The following LAMA3 variants were observed in gnomAD, a reference collection of about 807,000 sequenced individuals.
LAMA3 encodes the protein laminin subunit alpha 3.
LAMA3 carries 281 observed loss-of-function variants against 402.0 expected under a neutral mutation model. The observed-to-expected ratio is 0.70, with a 90% CI of 0.63 to 0.77. LAMA3 has a LOEUF of 0.77. LAMA3 is among the 30% of genes least tolerant of loss of function. The pLI is 0.00. For synonymous variants in LAMA3, 1,431 were observed against 1,558.4 expected (o/e 0.92, Z 1.93); for missense variants, 3,840 against 4,215.5 (o/e 0.91, Z 2.47).
intron 6 of LAMA3, among the ~76,000 whole-genome samples, chr18:23,756,330 G>A (rs1568149823): frequency 6.6e-6 from 1 of 151,644 alleles, no homozygotes; most frequent in Non-Finnish European, 1.5e-5. Flanking sequence ...AATAGTCTCG[G>A]GTCTTTATTT....
chr18:23,928,075 T>A (rs756879542), intron 62 of LAMA3, 48 bp from the exon 63 acceptor site: 1 of 1,316,146 alleles, frequency 7.6e-7, no homozygotes, highest in South Asian at 1.2e-5. Context: ...TGATTTCACG[T>A]GAGCCTGACA....
chr18:23,884,848 T>G lies in LAMA3; in HGVS notation c.5298T>G (p.Cys1766Trp), dbSNP rs2065018359. 1 of 1,609,260 alleles carries G rather than the reference T, an allele frequency of 6.2e-7. No homozygotes were observed. Among genetic ancestry groups the G allele is most frequent in the African/African-American group, 1.3e-5 (1 of 74,588 alleles). ...SCKAGYTGTQ[C>W]ERCAPGYFGN... ...AAGCTGGGTACACAGGAACACAGTG[T>G]GAAAGGTAAGGTGGGCGCCCCTCCC... Residue 1766 changes from cysteine to tryptophan, a missense_variant, in exon 41 of 75, where the codon TGT (cysteine) becomes TGG (tryptophan). Around this residue, in one of 3 missense-constraint regions of LAMA3, gnomAD observed 2,109 missense variants for 2,376.0 expected, o/e 0.89. Transcript: ENST00000313654.
chr18:23,817,136 A>G (rs538870245), intron 18 of LAMA3, among the ~76,000 whole-genome samples: 10 of 152,224 alleles, frequency 6.6e-5, no homozygotes, highest in Non-Finnish European at 1.2e-4. Flanking sequence ...TGTCTCATGC[A>G]GAAGCAGGTG....
intron 1 of LAMA3, among the ~76,000 whole-genome samples, chr18:23,693,672 A>C (rs750928218): frequency 2.6e-5 from 4 of 152,244 alleles, no homozygotes; most frequent in Non-Finnish European, 4.4e-5. Flanking sequence ...TTTAATAACT[A>C]GATATTATTT....
chr18:23,803,366 G>A (rs1194825820), intron 12 of LAMA3, among the ~76,000 whole-genome samples: 3 of 152,144 alleles, frequency 2.0e-5, no homozygotes, highest in Admixed American at 6.5e-5. Context: ...TGAGCCCAGG[G>A]ATAAACTCCA....
rs1230728662 is a variant in LAMA3, at chr18:23,899,397, C to T, written c.5946C>T (p.Asn1982=). The T allele has an allele frequency of 6.2e-7, 1 of 1,614,154 alleles. No homozygotes were observed. The highest frequency in any genetic ancestry group is 8.5e-7 in the Non-Finnish European group (1 of 1,180,012). ...AGCGCATGATGAGGGAACTGCGGAA[C>T]AGGAACTTTGGAAAGCACCTCAGAG... ...EAQRMMRELR[N]RNFGKHLREA... is the part of the protein sequence containing the mutation. The change falls in exon 47 of 75, where the codon AAC becomes AAT. Residue 1982 remains asparagine, a synonymous_variant. Coordinates refer to ENST00000313654, the MANE Select transcript of LAMA3 (RefSeq NM_198129.4).
chr18:23,722,198 A>G (rs1317559322), intron 2 of LAMA3, among the ~76,000 whole-genome samples: 3 of 152,162 alleles, frequency 2.0e-5, no homozygotes, highest in Admixed American at 6.5e-5. Flanking sequence ...TGCTATTCAC[A>G]GTTCTTGGAA....
intron 2 of LAMA3, among the ~76,000 whole-genome samples, chr18:23,746,941 A>AT (rs907736460): frequency 3.3e-4 from 49 of 148,152 alleles, no homozygotes; most frequent in East Asian, 7.9e-4. Flanking sequence ...GATGAAACTC[A>AT]TTTTTTTTTT....
At chr18:23,871,344 T>C in intron 37 of LAMA3, 87 bp from the exon 38 acceptor site, 1 of 1,020,688 alleles carries the variant, frequency 9.8e-7, no homozygotes, top group Non-Finnish European at 1.5e-6. Flanking sequence ...TGTCTTGTTT[T>C]TGATTCATTC....
chr18:23,712,130 C>G (rs1397342595), intron 1 of LAMA3, among the ~76,000 whole-genome samples: 2 of 152,214 alleles, frequency 1.3e-5, no homozygotes, highest in African/African-American at 4.8e-5. Context: ...CCTGTAATCC[C>G]AGCACTTTGG....
intron 59 of LAMA3, 109 bp from the exon 60 acceptor site, chr18:23,916,442 G>A: frequency 1.6e-6 from 2 of 1,239,544 alleles, no homozygotes; most frequent in South Asian, 1.2e-5. Context: ...CAACTAGATT[G>A]CATTTTCTTG....
chr18:23,855,088 A>C (rs996236098), intron 32 of LAMA3, among the ~76,000 whole-genome samples: 2 of 152,254 alleles, frequency 1.3e-5, no homozygotes, highest in Admixed American at 1.3e-4. Flanking sequence ...GTCCCTGCCC[A>C]GATCACTTGC....
At chr18:23,766,374 G>C (rs1175123677) in intron 8 of LAMA3, among the ~76,000 whole-genome samples, 1 of 151,968 alleles carries the variant, frequency 6.6e-6, no homozygotes, top group Non-Finnish European at 1.5e-5. Context: ...AAAATTGTTT[G>C]GTAGATAAAA....
intron 37 of LAMA3, among the ~76,000 whole-genome samples, chr18:23,869,272 G>T (rs565776878): frequency 2.6e-5 from 4 of 152,206 alleles, no homozygotes; most frequent in Non-Finnish European, 5.9e-5. Flanking sequence ...GAAGAGGAGG[G>T]AATGATACTA....
At chr18:23,932,375 A>T in intron 66 of LAMA3, 84 bp downstream of exon 66, 4 of 1,454,774 alleles carry the variant, frequency 2.7e-6, no homozygotes, top group Non-Finnish European at 3.8e-6. Flanking sequence ...TAACAAAGTC[A>T]GCTTTGTCAA....
Position 23,932,244 on chromosome 18 carries a change from G to T in LAMA3, c.8661G>T (p.Leu2887=), listed in dbSNP as rs1278388781. The part of the protein sequence containing the change: ...HISSSRQSLR[L]GGSNFEGCIS... Reference sequence around the variant, plus strand: ...CAAGTTCCCGGCAGTCTCTGCGTCTGGGCGGGAGCAATTTTGAGGGTTGTA... The same window carrying T: ...CAAGTTCCCGGCAGTCTCTGCGTCTTGGCGGGAGCAATTTTGAGGGTTGTA... The change falls in exon 66 of 75, where the codon CTG becomes CTT. Residue 2887 remains leucine (L), a synonymous_variant. Transcript: ENST00000313654. The T allele has an allele frequency of 6.2e-7, 1 of 1,613,978 alleles. No individual in the cohort carries two copies. The highest frequency in any genetic ancestry group is 1.3e-5 in the African/African-American group (1 of 74,942).
intron 66 of LAMA3, among the ~76,000 whole-genome samples, chr18:23,932,812 G>A (rs1008093972): frequency 2.0e-5 from 3 of 152,186 alleles, no homozygotes; most frequent in African/African-American, 7.2e-5. Flanking sequence ...TCCAGGGTAA[G>A]GAGAGGGCCT....
intron 12 of LAMA3, among the ~76,000 whole-genome samples, chr18:23,797,598 C>T (rs2062789126): frequency 6.6e-6 from 1 of 152,096 alleles, no homozygotes; most frequent in South Asian, 2.1e-4. Context: ...GCCTGTAATC[C>T]CAGCTACTCG....
chr18:23,742,759 T>C (rs559850421), intron 2 of LAMA3, among the ~76,000 whole-genome samples: 2 of 152,252 alleles, frequency 1.3e-5, no homozygotes, highest in East Asian at 3.9e-4. Context: ...GTATTGTTCT[T>C]TGAGCTGTCC....
Sources: allele counts gnomAD v4.1 joint callset (sites outside exome capture counted in the v4.1 genomes callset), GRCh38; gene constraint gnomAD v4.1.1; regional missense constraint gnomAD v4.1.1; transcripts MANE v1.5; gene names NCBI Gene and HGNC (gene_info 2026-07-23, HGNC 2026-07-21).